The following NCKAP5 variants were observed in gnomAD, a reference collection of about 807,000 sequenced individuals.
NCKAP5 encodes nck-associated protein 5.
NCKAP5 carries 92 observed loss-of-function variants against 167.0 expected under a neutral mutation model. That is an observed-to-expected ratio of 0.55 (90% CI 0.47 to 0.66). The LOEUF is 0.66. NCKAP5 is among the 30% of genes least tolerant of loss of function. The pLI, the probability that NCKAP5 is intolerant of heterozygous loss-of-function variation, is 0.00. For missense variants in NCKAP5, 2,378 were observed against 2,315.0 expected (o/e 1.03, Z -0.56); for synonymous variants, 891 against 877.4 (o/e 1.02, Z -0.27).
chr2:133,089,597 A>G (rs1043696829), intron 6 of NCKAP5, among the ~76,000 whole-genome samples: 1 of 152,220 alleles, frequency 6.6e-6, no homozygotes, highest in Non-Finnish European at 1.5e-5. Context: ...TTCATTTACA[A>G]AAGAGATGCA....
chr2:132,723,999 G>C (rs1036467628), intron 19 of NCKAP5, among the ~76,000 whole-genome samples: 1 of 152,134 alleles, frequency 6.6e-6, no homozygotes, highest in African/African-American at 2.4e-5. Context: ...TCATCCATCA[G>C]GTTGCTCTCT....
chr2:132,828,168 C>T (rs1687267371), intron 11 of NCKAP5, among the ~76,000 whole-genome samples: 1 of 152,132 alleles, frequency 6.6e-6, no homozygotes, highest in African/African-American at 2.4e-5. Flanking sequence ...AACTGTCCAG[C>T]CTCTAGAACT....
At chr2:133,458,251 A>G (rs916330523) in intron 3 of NCKAP5, among the ~76,000 whole-genome samples, 1 of 152,192 alleles carries the variant, frequency 6.6e-6, no homozygotes, top group Non-Finnish European at 1.5e-5. Flanking sequence ...AGGAGAGAAT[A>G]AGGTGCTAAT....
At chr2:133,054,985 G>A (rs1446792233) in intron 6 of NCKAP5, among the ~76,000 whole-genome samples, 1 of 152,192 alleles carries the variant, frequency 6.6e-6, no homozygotes, top group African/African-American at 2.4e-5. Flanking sequence ...AGGCCTCACA[G>A]TTGTCTATTG....
chr2:133,509,238 T>A (rs927615083), intron 3 of NCKAP5, among the ~76,000 whole-genome samples: 3 of 152,150 alleles, frequency 2.0e-5, no homozygotes, highest in Non-Finnish European at 4.4e-5. Context: ...TAACATAAAA[T>A]ATATCAAAGA....
intron 11 of NCKAP5, among the ~76,000 whole-genome samples, chr2:132,856,682 G>A (rs1689496703): frequency 6.6e-6 from 1 of 152,196 alleles, no homozygotes; most frequent in African/African-American, 2.4e-5. Flanking sequence ...CACATAGGAA[G>A]GGGAAAATCT....
intron 3 of NCKAP5, among the ~76,000 whole-genome samples, chr2:133,467,155 A>T (rs372262444): frequency 2.0e-5 from 3 of 151,714 alleles, no homozygotes; most frequent in East Asian, 3.9e-4. Context: ...TTTGTCATAG[A>T]TAGCTCTTAT....
At chr2:132,927,593 C>T (rs546792905) in intron 8 of NCKAP5, among the ~76,000 whole-genome samples, 8 of 152,060 alleles carry the variant, frequency 5.3e-5, no homozygotes, top group South Asian at 4.2e-4. Context: ...TTTGGTTAAA[C>T]GTATTCCCAG....
At chr2:132,878,218 C>CA (rs1338734159) in intron 9 of NCKAP5, among the ~76,000 whole-genome samples, 2 of 152,196 alleles carry the variant, frequency 1.3e-5, no homozygotes, top group East Asian at 3.9e-4. Flanking sequence ...CTCAAATGCC[C>CA]ATTATCTTTG....
At chr2:133,441,923 C>T (rs563576436) in intron 3 of NCKAP5, among the ~76,000 whole-genome samples, 56 of 152,302 alleles carry the variant, frequency 3.7e-4, no homozygotes, top group Non-Finnish European at 6.8e-4. Flanking sequence ...AAAAACTCTA[C>T]CAGGTATCAT....
intron 2 of NCKAP5, among the ~76,000 whole-genome samples, chr2:133,539,407 G>A (rs985616245): frequency 2.0e-5 from 3 of 151,922 alleles, no homozygotes; most frequent in African/African-American, 4.8e-5. Flanking sequence ...ACAGTTTAAA[G>A]CACACAAAAC....
intron 6 of NCKAP5, among the ~76,000 whole-genome samples, chr2:132,998,511 C>G (rs2077675746): frequency 6.6e-6 from 1 of 152,122 alleles, no homozygotes; most frequent in South Asian, 2.1e-4. Flanking sequence ...ATCAAGTTGT[C>G]CTATCTTTTT....
At chr2:133,305,647 A>G (rs1348621200) in intron 3 of NCKAP5, among the ~76,000 whole-genome samples, 1 of 152,212 alleles carries the variant, frequency 6.6e-6, no homozygotes, top group Non-Finnish European at 1.5e-5. Context: ...CTGATCTCTA[A>G]TCTGAATGTA....
chr2:132,861,832 G>A (rs1041910968), intron 10 of NCKAP5, among the ~76,000 whole-genome samples: 1 of 152,082 alleles, frequency 6.6e-6, no homozygotes, highest in Admixed American at 6.6e-5. Flanking sequence ...TCAATTACAC[G>A]ACACATTTTT....
chr2:133,240,122 C>T (rs1216216808), intron 4 of NCKAP5, among the ~76,000 whole-genome samples: 2 of 152,114 alleles, frequency 1.3e-5, no homozygotes, highest in Non-Finnish European at 2.9e-5. Flanking sequence ...GTTGCGCATT[C>T]CGGAGTTACG....
chr2:133,385,122 G>A (rs1686841985), intron 3 of NCKAP5, among the ~76,000 whole-genome samples: 1 of 152,134 alleles, frequency 6.6e-6, no homozygotes, highest in Admixed American at 6.5e-5. Flanking sequence ...CCTGTCTTGT[G>A]CCAGTTTTCA....
chr2:133,009,627 A>G lies in NCKAP5; in HGVS notation c.342-15388T>C, dbSNP rs181568547. On this transcript the variant is annotated intron_variant, in intron 6 of 19. Coordinates refer to ENST00000409261, the MANE Select transcript of NCKAP5 (RefSeq NM_207363.3). ...TTTGATAATCATCTGTTGAATGCCTATGATAGGCTTTGTGTGGTAATGAGT... is the reference window on the plus strand; with the variant it reads ...TTTGATAATCATCTGTTGAATGCCTGTGATAGGCTTTGTGTGGTAATGAGT... Among the ~76,000 whole-genome samples, 60 of 152,294 alleles carry G rather than the reference A, an allele frequency of 3.9e-4. No homozygotes were observed. In the East Asian group the frequency reaches 0.01, roughly 26 times the overall value.
At chr2:132,994,438 T>G (rs2077533305) in intron 6 of NCKAP5, among the ~76,000 whole-genome samples, 199 bp from the exon 7 acceptor site, 1 of 152,160 alleles carries the variant, frequency 6.6e-6, no homozygotes. Context: ...TACATTCTCT[T>G]TCTCTACCAT....
intron 16 of NCKAP5, among the ~76,000 whole-genome samples, chr2:132,733,386 A>G (rs1033413111): frequency 6.6e-6 from 1 of 152,176 alleles, no homozygotes; most frequent in African/African-American, 2.4e-5. Flanking sequence ...AACAGCTACC[A>G]CTTCTTTGGT....
Sources: gnomAD v4.1 joint callset for allele counts (sites outside exome capture counted in the v4.1 genomes callset) on GRCh38, gnomAD v4.1.1 for gene constraint, MANE v1.5 for transcripts, NCBI Gene and HGNC (gene_info 2026-07-23, HGNC 2026-07-21) for gene names.